Variants in EML4 observed in about 807,000 individuals in gnomAD.
EML4 encodes EMAP like 4.
EML4 carries 72 observed loss-of-function variants against 129.0 expected under a neutral mutation model. The ratio of observed to expected loss-of-function variants is 0.56; its 90% CI spans 0.46 to 0.68. The LOEUF is 0.68. EML4 is among the 30% of genes least tolerant of loss of function. EML4 has a pLI of 0.00. For missense variants in EML4, 1,363 were observed against 1,190.6 expected, an observed-to-expected ratio of 1.14 and a Z score of -2.13; for synonymous variants, 532 against 405.0, an observed-to-expected ratio of 1.31 and a Z score of -3.77.
intron 1 of EML4, among the ~76,000 whole-genome samples, chr2:42,234,507 C>G (rs1218458203): frequency 6.7e-6 from 1 of 149,586 alleles, no homozygotes; most frequent in Non-Finnish European, 1.5e-5. Flanking sequence ...GTCTCACAAA[C>G]TTGTGACAAA....
Position 42,328,946 on chromosome 2 carries a change from G to C in EML4, c.2402G>C (p.Arg801Thr). The C allele has an allele frequency of 6.2e-7, 1 of 1,613,534 alleles. No homozygotes were observed. Among genetic ancestry groups the C allele is most frequent in the Non-Finnish European group, 8.5e-7 (1 of 1,179,794 alleles). ...DINALVRSHNRKVIAVADDFC... is the reference protein window; with the variant it reads ...DINALVRSHNTKVIAVADDFC... Reference sequence around the variant, plus strand: ...AATGCACTGGTGCGATCCCACAATAGAAAGGTGATAGCTGTTGCCGATGAC... The same window carrying C: ...AATGCACTGGTGCGATCCCACAATACAAAGGTGATAGCTGTTGCCGATGAC... Residue 801 changes from arginine (R) to threonine (T), a missense_variant, in exon 22 of 23, where the codon AGA (arginine) becomes ACA (threonine). Arg to Thr is a moderately conservative substitution (Grantham distance 71). Transcript: ENST00000318522.
intron 2 of EML4, among the ~76,000 whole-genome samples, chr2:42,249,888 A>C (rs531296446): frequency 6.6e-6 from 1 of 152,234 alleles, no homozygotes; most frequent in East Asian, 1.9e-4. Context: ...GCATGTGTTC[A>C]TAATATATGC....
intron 1 of EML4, chr2:42,207,820 C>T (rs776437437): frequency 4.6e-5 from 7 of 152,186 alleles, no homozygotes; most frequent in Non-Finnish European, 5.9e-5. Flanking sequence ...TTCACCTTTG[C>T]TTCACTGATG....
intron 13 of EML4, among the ~76,000 whole-genome samples, chr2:42,296,757 C>T (rs1667980181): frequency 1.3e-5 from 2 of 152,024 alleles, no homozygotes; most frequent in Admixed American, 6.6e-5. Context: ...CTGTTTTCAC[C>T]GAAATGTGGA....
At chr2:42,298,388 A>G (rs1668074340) in intron 13 of EML4, among the ~76,000 whole-genome samples, 1 of 152,202 alleles carries the variant, frequency 6.6e-6, no homozygotes, top group South Asian at 2.1e-4. Flanking sequence ...GTAAGCCTGA[A>G]GGCAGAGTAG....
chr2:42,243,576 A>C (rs1246738419), intron 1 of EML4, among the ~76,000 whole-genome samples: 1 of 152,204 alleles, frequency 6.6e-6, no homozygotes, highest in African/African-American at 2.4e-5. Flanking sequence ...CTTGCCTAAG[A>C]TTATGTAACT....
chr2:42,202,216 T>C (rs1672275819), intron 1 of EML4, among the ~76,000 whole-genome samples: 1 of 152,192 alleles, frequency 6.6e-6, no homozygotes. Context: ...CCTGGTGATC[T>C]ATTGCACAGT....
chr2:42,246,147 C>T (rs535731113), intron 2 of EML4, among the ~76,000 whole-genome samples: 1 of 152,272 alleles, frequency 6.6e-6, no homozygotes, highest in South Asian at 2.1e-4. Context: ...TTAATTTAAG[C>T]TCTGAAGCTT....
chr2:42,172,865 A>T (rs1485931620), intron 1 of EML4, among the ~76,000 whole-genome samples: 2 of 152,290 alleles, frequency 1.3e-5, no homozygotes, highest in East Asian at 3.9e-4. Context: ...ATCTTTTTAG[A>T]ATCTCTTTCA....
intron 17 of EML4, among the ~76,000 whole-genome samples, chr2:42,311,462 A>T (rs1370409891): frequency 6.6e-6 from 1 of 152,076 alleles, no homozygotes; most frequent in Non-Finnish European, 1.5e-5. Flanking sequence ...CTAAGGTGGG[A>T]GGATCACCTG....
At position 42,303,461 on chromosome 2, in the gene EML4, A is replaced by ATG; in HGVS notation, c.1899+18_1899+19dup. ...GGCTGGTAGATGTGAGTGAAGCAGG[A>ATG]TGTGATTATTAACCTCCCCACAGAA... On this transcript the variant is annotated intron_variant, in intron 16 of 22. Coordinates refer to ENST00000318522, the MANE Select transcript of EML4 (RefSeq NM_019063.5). The ATG allele has an allele frequency of 6.2e-7, 1 of 1,610,866 alleles. No homozygotes were observed. Among genetic ancestry groups the ATG allele is most frequent in the Non-Finnish European group, 8.5e-7 (1 of 1,177,842 alleles).
intron 2 of EML4, among the ~76,000 whole-genome samples, chr2:42,252,553 C>CT (rs1236488367): frequency 6.6e-6 from 1 of 152,142 alleles, no homozygotes; most frequent in Non-Finnish European, 1.5e-5. Context: ...TAGATAAAGT[C>CT]TGCATCATCT....
intron 1 of EML4, among the ~76,000 whole-genome samples, chr2:42,223,193 T>G (rs182949310): frequency 2.0e-4 from 30 of 152,202 alleles, no homozygotes; most frequent in African/African-American, 7.2e-4. Flanking sequence ...GTCTGATAGG[T>G]TTATAGTTCC....
intron 1 of EML4, among the ~76,000 whole-genome samples, chr2:42,199,143 G>A (rs559009061): frequency 6.6e-6 from 1 of 152,318 alleles, no homozygotes; most frequent in East Asian, 1.9e-4. Flanking sequence ...GGGAATAGGA[G>A]TGAAAGAGAC....
chr2:42,241,559 G>C (rs7557172), intron 1 of EML4, among the ~76,000 whole-genome samples: 5,847 of 152,222 alleles, frequency 0.038, 346 homozygotes, highest in African/African-American at 0.13. Flanking sequence ...GTCTGTTCTT[G>C]TGTTTACTCT....
chr2:42,277,921 T>G, intron 6 of EML4, among the ~76,000 whole-genome samples: 1 of 152,178 alleles, frequency 6.6e-6, no homozygotes, highest in East Asian at 1.9e-4. Context: ...CAAGAAGTAA[T>G]TAATCTTTCC....
At chr2:42,220,593 G>T (rs1673525419) in intron 1 of EML4, among the ~76,000 whole-genome samples, 1 of 152,018 alleles carries the variant, frequency 6.6e-6, no homozygotes, top group South Asian at 2.1e-4. Flanking sequence ...TTGAAATGAG[G>T]CCAGTTAATA....
intron 1 of EML4, among the ~76,000 whole-genome samples, chr2:42,207,075 A>G (rs1391756388): frequency 6.6e-6 from 1 of 152,218 alleles, no homozygotes. Context: ...ACACTGTAGT[A>G]ATAGATTACT....
Position 42,283,003 on chromosome 2 carries a change from G to C in EML4, c.941+31G>C, listed in dbSNP as rs747716804. Reference sequence around the variant, plus strand: ...TATCATTTAACATTGGTTCATTTTTGTTCTTTCAGGCCCTCATTTTGTATT... The same window carrying C: ...TATCATTTAACATTGGTTCATTTTTCTTCTTTCAGGCCCTCATTTTGTATT... On this transcript the variant is annotated intron_variant, in intron 8 of 22. Coordinates refer to ENST00000318522, the MANE Select transcript of EML4 (RefSeq NM_019063.5). 1.2e-5 allele frequency: 18 copies of C among 1,545,698 alleles called. No homozygotes were observed. The South Asian group carries it at 1.8e-4, about 15-fold the overall frequency.
Sources: allele counts gnomAD v4.1 joint callset (sites outside exome capture counted in the v4.1 genomes callset), GRCh38; gene constraint gnomAD v4.1.1; transcripts MANE v1.5; gene names NCBI Gene and HGNC (gene_info 2026-07-23, HGNC 2026-07-21).